SLC1A6: variants seen among roughly 807,000 people sequenced by gnomAD.
SLC1A6 encodes excitatory amino acid transporter 4.
In SLC1A6, 15 loss-of-function variants were observed where a neutral mutation model predicts 42.1. That is an observed-to-expected ratio of 0.36 (90% confidence interval 0.24 to 0.55). SLC1A6 has a LOEUF of 0.55. Among genes scored for constraint, SLC1A6 ranks in the 20% least tolerant of loss-of-function variants. The pLI is 0.88. For missense variants in SLC1A6, 542 were observed against 772.5 expected, an observed-to-expected ratio of 0.70 and a Z score of 3.54; for synonymous variants, 317 against 319.7, an observed-to-expected ratio of 0.99 and a Z score of 0.09.
intron 1 of SLC1A6, among the ~76,000 whole-genome samples, chr19:14,996,278 A>G (rs574442481): frequency 1.3e-5 from 2 of 152,332 alleles, no homozygotes; most frequent in South Asian, 4.1e-4. Context: ...AAAGTAGAAC[A>G]TTGGTTACCA....
chr19:14,962,015 C>T lies in SLC1A6; in HGVS notation c.922G>A (p.Gly308Ser). The change falls in exon 6 of 10, where the codon GGC becomes AGC. Residue 308 changes from glycine (G) to serine (S), a missense_variant. Physicochemically the swap from Gly to Ser is moderately conservative, Grantham distance 56. This residue lies in a region of SLC1A6 where 298 missense variants were observed against 419.4 expected (regional missense o/e 0.71). Transcript: ENST00000594383. ...ACCAGGACTCACCAGATAATGATGC[C>T]CACCAGCCTCATAATAGCCTCATTG... ...SLNEAIMRLV[G>S]IIIWYAPVGI... 2 of 1,613,448 alleles carry T rather than the reference C, an allele frequency of 1.2e-6. No individual in the cohort carries two copies. The highest frequency in any genetic ancestry group is 2.2e-5 in the South Asian group (2 of 91,026).
intron 6 of SLC1A6, chr19:14,961,300 T>C (rs939323215): frequency 1.5e-4 from 23 of 152,368 alleles, no homozygotes; most frequent in African/African-American, 5.5e-4. Flanking sequence ...TGTAGAGATA[T>C]TTCAAAACAT....
chr19:15,000,842 A>T (rs2145240567), intron 1 of SLC1A6, among the ~76,000 whole-genome samples: 1 of 152,332 alleles, frequency 6.6e-6, no homozygotes, highest in South Asian at 2.1e-4. Context: ...TTACATCTGC[A>T]ATGACCCTAA....
At position 14,956,617 on chromosome 19, in the gene SLC1A6, G is replaced by A. The variant is rs1453035991; in HGVS notation, c.1028C>T (p.Thr343Ile). 7 of 1,613,796 alleles carry A rather than the reference G, an allele frequency of 4.3e-6. No homozygotes were observed. The Admixed American group carries it at 8.3e-5, about 19-fold the overall frequency. ...AVLGGQLGMY[T>I]LTVIVGLFLH... ...GAACAGGCCCACGATGACGGTCAGG[G>A]TGTACATGCCCAGCTGACCCCCCAG... is the stretch of plus-strand genomic sequence containing the variant. Residue 343 changes from threonine (T) to isoleucine (I), a missense_variant, in exon 7 of 10, where the codon ACC becomes ATC. Thr to Ile is a moderately conservative substitution (Grantham distance 89, BLOSUM62 -1). This residue lies in a region of SLC1A6 where 298 missense variants were observed against 419.4 expected (regional missense o/e 0.71). Transcript: ENST00000594383.
At chr19:14,968,851 A>ATTTT (rs71168531) in intron 3 of SLC1A6, among the ~76,000 whole-genome samples, 1 of 149,594 alleles carries the variant, frequency 6.7e-6, no homozygotes. Flanking sequence ...TAACCTAACT[A>ATTTT]TTTTTTTTTT....
At chr19:14,991,571 G>A (rs1200664629) in intron 1 of SLC1A6, among the ~76,000 whole-genome samples, 3 of 150,152 alleles carry the variant, frequency 2.0e-5, no homozygotes, top group Non-Finnish European at 4.4e-5. Flanking sequence ...GCAGTGAGCC[G>A]AGATATCGCC....
At chr19:14,995,798 A>C (rs942698340) in intron 1 of SLC1A6, among the ~76,000 whole-genome samples, 5 of 152,204 alleles carry the variant, frequency 3.3e-5, no homozygotes, top group African/African-American at 4.8e-5. Flanking sequence ...AAAAAAGTAA[A>C]GTATAGTAGT....
At chr19:15,004,421 G>C (rs1600042264) in intron 1 of SLC1A6, among the ~76,000 whole-genome samples, 1 of 151,732 alleles carries the variant, frequency 6.6e-6, no homozygotes, top group Non-Finnish European at 1.5e-5. Context: ...AAAAAATAAG[G>C]CTGGCCATGG....
chr19:14,956,329 C>A (rs977236959), intron 7 of SLC1A6, 147 bp downstream of exon 7: 89 of 543,544 alleles, frequency 1.6e-4, no homozygotes, highest in Non-Finnish European at 6.2e-5. Flanking sequence ...TGACTGGACC[C>A]CAGGTGTTGA....
At chr19:15,009,530 C>A (rs1320231043) in intron 1 of SLC1A6, among the ~76,000 whole-genome samples, 1 of 152,026 alleles carries the variant, frequency 6.6e-6, no homozygotes, top group Non-Finnish European at 1.5e-5. Flanking sequence ...AACTCATGTT[C>A]TCACTTCTAA....
At chr19:14,968,048 A>G (rs1434124697) in intron 4 of SLC1A6, among the ~76,000 whole-genome samples, 1 of 152,198 alleles carries the variant, frequency 6.6e-6, no homozygotes, top group East Asian at 1.9e-4. Context: ...ACTTTCTTCA[A>G]TATGCATGCA....
intron 1 of SLC1A6, among the ~76,000 whole-genome samples, chr19:15,008,032 A>C (rs28576705): frequency 0.082 from 5,291 of 64,280 alleles, 176 homozygotes; most frequent in African/African-American, 0.2. Flanking sequence ...CCCCCCCCCC[A>C]AAAAAAAACC....
At position 14,956,728 on chromosome 19, in the gene SLC1A6, T is replaced by C. The variant is rs1349123862; in HGVS notation, c.936-19A>G. ...TGCATACCTGTGTGAGGGAGCCACA[T>C]ACCTGTCAGGGCTCCCTCCTGACCT... On this transcript the variant is annotated intron_variant, in intron 6 of 9. Transcript: ENST00000594383. 1.5e-5 allele frequency: 23 copies of C among 1,539,544 alleles called. No individual in the cohort carries two copies. Among genetic ancestry groups the C allele is most frequent in the Non-Finnish European group, 2.0e-5 (22 of 1,118,712 alleles).
intron 1 of SLC1A6, among the ~76,000 whole-genome samples, chr19:15,006,609 C>A (rs1025424962): frequency 6.6e-6 from 1 of 151,144 alleles, no homozygotes; most frequent in Admixed American, 6.6e-5. Context: ...TCTTGACTGT[C>A]GCACCTCTCA....
At position 14,968,572 on chromosome 19, in the gene SLC1A6, C is replaced by T. The variant is rs550553918; in HGVS notation, c.344-65G>A. On this transcript the variant is annotated intron_variant, in intron 3 of 9. Transcript: ENST00000594383. ...ACCCAACGCCAGCTCTCCTAGCATC[C>T]GTTCCACCCTCCCCATATCACCAAC... 24 of 1,365,790 alleles carry T rather than the reference C, an allele frequency of 1.8e-5. No individual in the cohort carries two copies. In the East Asian group the frequency reaches 3.0e-4, roughly 17 times the overall value. 84.6% of individuals were successfully genotyped at this position (1,365,790 alleles called of 1,614,324 possible). A position where few individuals can be genotyped will look rare whatever the true frequency, so the allele number is the denominator to read the frequency against.
chr19:14,962,462 C>G (rs574838120), intron 5 of SLC1A6, 117 bp from the exon 6 acceptor site: 1 of 698,174 alleles, frequency 1.4e-6, no homozygotes, highest in East Asian at 2.5e-5. Flanking sequence ...TCGATAAGAT[C>G]TTCATTATCG....
chr19:14,956,794 A>G, intron 6 of SLC1A6, 85 bp from the exon 7 acceptor site: 1 of 861,604 alleles, frequency 1.2e-6, no homozygotes, highest in Non-Finnish European at 1.9e-6. Context: ...GGCTTTGCCC[A>G]TATAGGGCCC....
At chr19:15,002,964 A>ATTTTGTTGTTGTTGTTGT (rs55727450) in intron 1 of SLC1A6, among the ~76,000 whole-genome samples, 42,481 of 150,830 alleles carry the variant, frequency 0.28, 6,102 homozygotes, top group Non-Finnish European at 0.32. Flanking sequence ...TTTTTGTGGG[A>ATTTTGTTGTTGTTGTTGT]TGTTGTTGTT....
intron 3 of SLC1A6, 127 bp downstream of exon 3, chr19:14,971,610 A>T: frequency 1.1e-6 from 1 of 945,980 alleles, no homozygotes; most frequent in Non-Finnish European, 1.6e-6. Flanking sequence ...GCTGGACCAG[A>T]CACAGGCTCC....
Sources: allele counts gnomAD v4.1 joint callset (sites outside exome capture counted in the v4.1 genomes callset), GRCh38; gene constraint gnomAD v4.1.1; regional missense constraint gnomAD v4.1.1; transcripts MANE v1.5; gene names NCBI Gene and HGNC (gene_info 2026-07-23, HGNC 2026-07-21).